ACVR1: variants seen among roughly 807,000 people sequenced by gnomAD.
ACVR1 encodes activin receptor type-1.
Under a neutral mutation model 57.1 loss-of-function variants are expected in ACVR1, and 38 were observed. That is an observed-to-expected ratio of 0.67 (90% CI 0.51 to 0.87). ACVR1 has a LOEUF of 0.87. ACVR1 is among the 40% of genes least tolerant of loss of function. The pLI is 0.00. For missense variants in ACVR1, 463 were observed against 638.2 expected, an observed-to-expected ratio of 0.73 and a Z score of 2.96; for synonymous variants, 212 against 228.1, an observed-to-expected ratio of 0.93 and a Z score of 0.63.
At chr2:157,807,394 A>G (rs1192395605) in intron 2 of ACVR1, among the ~76,000 whole-genome samples, 1 of 152,128 alleles carries the variant, frequency 6.6e-6, no homozygotes, top group African/African-American at 2.4e-5. Context: ...GCTTGACTAT[A>G]TGGAGACTGT....
intron 1 of ACVR1, among the ~76,000 whole-genome samples, chr2:157,854,199 T>TAA (rs398060692): frequency 5.7e-4 from 67 of 118,480 alleles, no homozygotes; most frequent in African/African-American, 1.2e-3. Context: ...CCTAAAGGAG[T>TAA]AAAAAAAAAA....
chr2:157,743,388 G>C (rs999762169), intron 9 of ACVR1, among the ~76,000 whole-genome samples: 5 of 151,916 alleles, frequency 3.3e-5, no homozygotes, highest in African/African-American at 1.2e-4. Flanking sequence ...ATAATAATTT[G>C]ACTCTTCAAC....
intron 1 of ACVR1, among the ~76,000 whole-genome samples, chr2:157,818,950 C>T (rs1290077302): frequency 6.7e-6 from 1 of 149,564 alleles, no homozygotes. Flanking sequence ...TAGTGGCGGG[C>T]GCCTGTAGTC....
intron 1 of ACVR1, among the ~76,000 whole-genome samples, chr2:157,852,686 T>C (rs978045387): frequency 1.3e-5 from 2 of 152,222 alleles, no homozygotes; most frequent in African/African-American, 2.4e-5. Context: ...GTACCAATTT[T>C]ATCACAAACA....
At chr2:157,808,985 G>A (rs1687657262) in intron 2 of ACVR1, among the ~76,000 whole-genome samples, 1 of 152,056 alleles carries the variant, frequency 6.6e-6, no homozygotes, top group South Asian at 2.1e-4. Flanking sequence ...GCAATGTGAG[G>A]CAAGAACCCT....
At chr2:157,802,747 C>A (rs1205070085) in intron 2 of ACVR1, among the ~76,000 whole-genome samples, 1 of 152,184 alleles carries the variant, frequency 6.6e-6, no homozygotes, top group Non-Finnish European at 1.5e-5. Context: ...TCATACAAAT[C>A]ATCCTAATTA....
chr2:157,858,855 G>T (rs573891793), intron 1 of ACVR1, among the ~76,000 whole-genome samples: 1 of 152,204 alleles, frequency 6.6e-6, no homozygotes, highest in Admixed American at 6.5e-5. Flanking sequence ...CTGGCCTAAA[G>T]CAATCCTCCT....
At chr2:157,835,244 T>G (rs1006914676) in intron 1 of ACVR1, among the ~76,000 whole-genome samples, 1 of 152,182 alleles carries the variant, frequency 6.6e-6, no homozygotes, top group African/African-American at 2.4e-5. Flanking sequence ...CTGAGCCAGT[T>G]AGAACTGCGG....
chr2:157,774,905 T>C (rs1338840604), intron 5 of ACVR1, among the ~76,000 whole-genome samples: 1 of 152,100 alleles, frequency 6.6e-6, no homozygotes, highest in African/African-American at 2.4e-5. Flanking sequence ...GGGGGTCCTT[T>C]CAACTTCAAG....
At chr2:157,837,359 C>A (rs1688817819) in intron 1 of ACVR1, among the ~76,000 whole-genome samples, 1 of 152,166 alleles carries the variant, frequency 6.6e-6, no homozygotes, top group Non-Finnish European at 1.5e-5. Flanking sequence ...CACAGCCTTA[C>A]CTGGCCCACA....
At chr2:157,808,879 TAA>T (rs71404307) in intron 2 of ACVR1, among the ~76,000 whole-genome samples, 1 of 137,976 alleles carries the variant, frequency 7.2e-6, no homozygotes. Context: ...GTAATACATT[TAA>T]AAAAAAAAAA....
At chr2:157,857,162 C>A (rs774552856) in intron 1 of ACVR1, among the ~76,000 whole-genome samples, 12 of 152,046 alleles carry the variant, frequency 7.9e-5, no homozygotes, top group Non-Finnish European at 1.5e-4. Context: ...TGTGCCACTG[C>A]AATCCAGCCT....
At chr2:157,758,044 T>C (rs1178457524) in intron 9 of ACVR1, among the ~76,000 whole-genome samples, 3 of 151,850 alleles carry the variant, frequency 2.0e-5, no homozygotes, top group Admixed American at 6.6e-5. Flanking sequence ...CTTGGTTAAA[T>C]AGATTAAAAA....
chr2:157,764,062 A>G (rs775966319), intron 8 of ACVR1, among the ~76,000 whole-genome samples: 1 of 152,230 alleles, frequency 6.6e-6, no homozygotes, highest in East Asian at 1.9e-4. Context: ...CCACTGGATT[A>G]TAACAGAAGC....
At chr2:157,759,247 C>G (rs2105693) in intron 9 of ACVR1, among the ~76,000 whole-genome samples, 2,800 of 151,948 alleles carry the variant, frequency 0.018, 85 homozygotes, top group African/African-American at 0.064. Context: ...GTTAACTACA[C>G]TAACCAAGAA....
At chr2:157,866,387 C>G (rs12475589) in intron 1 of ACVR1, among the ~76,000 whole-genome samples, 8 of 152,210 alleles carry the variant, frequency 5.3e-5, no homozygotes, top group Non-Finnish European at 1.2e-4. Flanking sequence ...GAGGTGGACA[C>G]AGCTGATTAA....
At chr2:157,801,419 A>G (rs1384486236) in intron 2 of ACVR1, among the ~76,000 whole-genome samples, 1 of 152,222 alleles carries the variant, frequency 6.6e-6, no homozygotes, top group Non-Finnish European at 1.5e-5. Context: ...TGCACATATT[A>G]TTAATGCAAG....
Position 157,766,224 on chromosome 2 carries a change from T to A in ACVR1, c.791-28A>T. The A allele has an allele frequency of 1.9e-6, 3 of 1,609,734 alleles. No homozygotes were observed. The South Asian group carries it at 3.3e-5, about 18-fold the overall frequency. ...GGAGAGAGCAAGAAAAAAATTAATA[T>A]ACATGAGGATTCCACATTATAACTT... On this transcript the variant is annotated intron_variant, in intron 7 of 10. Coordinates refer to ENST00000434821, the MANE Select transcript of ACVR1 (RefSeq NM_001111067.4).
rs1686456996 is a variant in ACVR1, at chr2:157,780,351, T to G, written c.317A>C (p.Gln106Pro). The change falls in exon 4 of 11, where the codon CAG (glutamine) becomes CCG (proline). Residue 106 changes from glutamine (Q) to proline (P), a missense_variant. Around this residue, in one of 3 missense-constraint regions of ACVR1, gnomAD observed 203 missense variants for 235.5 expected, o/e 0.86. Transcript: ENST00000434821. ...GDWCNRNITA[Q>P]LPTKGKSFPG... ...TCCATGGGAACCTTTAGTGGGCAGC[T>G]GGGCCGTGATGTTCCTGTTACACCA... The G allele has an allele frequency of 6.2e-7, 1 of 1,614,082 alleles. No homozygotes were observed. Among genetic ancestry groups the G allele is most frequent in the African/African-American group, 1.3e-5 (1 of 74,950 alleles).
Sources: gnomAD v4.1 joint callset for allele counts (sites outside exome capture counted in the v4.1 genomes callset) on GRCh38, gnomAD v4.1.1 for gene constraint, gnomAD v4.1.1 regional missense constraint, MANE v1.5 for transcripts, NCBI Gene and HGNC (gene_info 2026-07-23, HGNC 2026-07-21) for gene names.